The following CCDC144A variants were observed in gnomAD, a reference collection of about 807,000 sequenced individuals.
CCDC144A encodes the protein coiled-coil domain-containing protein 144A.
A neutral mutation model predicts 143.8 loss-of-function variants in CCDC144A; 41 were observed. The ratio of observed to expected loss-of-function variants is 0.29; its 90% CI spans 0.22 to 0.37. The LOEUF (loss-of-function observed/expected upper bound fraction) is 0.37, where lower values mean the gene tolerates loss of function less well. CCDC144A is among the 10% of genes least tolerant of loss of function. The probability of loss-of-function intolerance (pLI) is 1.00; values close to 1 mark genes in which losing one functional copy is unlikely to be tolerated. For synonymous variants in CCDC144A, 242 were observed against 517.9 expected (o/e 0.47, Z 7.23); for missense variants, 637 against 1,488.8 (o/e 0.43, Z 9.41).
rs1336188040 is a variant in CCDC144A, at chr17:16,773,560, A to T, written c.4205A>T (p.Asn1402Ile). Residue 1402 changes from asparagine (N) to isoleucine (I), a missense_variant, in exon 17 of 17, where the codon AAT becomes ATT. Coordinates refer to ENST00000399273, the MANE Select transcript of CCDC144A (RefSeq NM_001382000.1). ...ASPLGFTHKE[N>I]LNQDPVLEVT... ...CCTCTAGGATTTACACACAAGGAAA[A>T]TCTGAATCAAGATCCAGTTTTGGAA... 2 of 1,547,006 alleles carry T rather than the reference A, an allele frequency of 1.3e-6. No individual in the cohort carries two copies. The highest frequency in any genetic ancestry group is 1.7e-6 in the Non-Finnish European group (2 of 1,145,256).
intron 11 of CCDC144A, among the ~76,000 whole-genome samples, chr17:16,734,281 C>A (rs558685026): frequency 6.6e-6 from 1 of 151,662 alleles, no homozygotes; most frequent in Non-Finnish European, 1.5e-5. Context: ...ACTTAAAGAA[C>A]GTTGGAACAT....
rs113461815 is a variant in CCDC144A at position 16,741,877 on chromosome 17, A to C, written c.3372+6234A>C. 9.2e-3 allele frequency among the ~76,000 whole-genome samples: 1,401 copies of C among 152,166 alleles called. 13 individuals are homozygous for C. The highest frequency in any genetic ancestry group is 0.017 in the Middle Eastern group (5 of 292). On this transcript the variant is annotated intron_variant, in intron 12 of 16. Transcript: ENST00000399273. ...ATATATTCCATCACCTCAAACATTT[A>C]CCATTTCTTTGTGTTGTGAACTTTC...
rs757997613 is a variant in CCDC144A at position 16,708,993 on chromosome 17, G to A, written c.936G>A (p.Pro312=). The A allele has an allele frequency of 3.6e-5, 58 of 1,611,578 alleles. No individual in the cohort carries two copies. Among genetic ancestry groups the A allele is most frequent in the Admixed American group, 1.7e-4 (10 of 60,000 alleles). ...FGEIYEKYKI[P]ACPEEEPLLD... is the part of the protein sequence containing the mutation. ...AAATTTATGAAAAATACAAAATTCC[G>A]GCTTGTCCTGAGGAAGAGCCACTAC... The change falls in exon 5 of 17, where the codon CCG becomes CCA. Residue 312 remains proline (P), a synonymous_variant. Coordinates refer to ENST00000399273, the MANE Select transcript of CCDC144A (RefSeq NM_001382000.1).
At chr17:16,688,271 G>A (rs926281209), upstream of CCDC144A, among the ~76,000 whole-genome samples, 3 of 151,602 alleles carry the variant, frequency 2.0e-5, no homozygotes, top group Non-Finnish European at 4.4e-5. Context: ...TGGTTCCTCC[G>A]CTGCCCGTGT....
chr17:16,687,714 C>T (rs1910833213), upstream of CCDC144A, among the ~76,000 whole-genome samples: 1 of 152,158 alleles, frequency 6.6e-6, no homozygotes, highest in South Asian at 2.1e-4. Context: ...TCTCATTCTT[C>T]CAAAGCTCGA....
At chr17:16,668,672 A>G in the CCDC144A span, among the ~76,000 whole-genome samples, 1 of 152,182 alleles carries the variant, frequency 6.6e-6, no homozygotes, top group Non-Finnish European at 1.5e-5. Flanking sequence ...CACATTGTTT[A>G]TTCTGTTGTC....
chr17:16,685,370 T>TTTG (rs951398788), upstream of CCDC144A, among the ~76,000 whole-genome samples: 10 of 151,790 alleles, frequency 6.6e-5, no homozygotes, highest in African/African-American at 1.9e-4. Flanking sequence ...AACGCCGTTT[T>TTTG]TTGTTGTTGT....
chr17:16,735,869 TAC>T (rs1913976672), intron 12 of CCDC144A, among the ~76,000 whole-genome samples: 1 of 148,604 alleles, frequency 6.7e-6, no homozygotes, highest in Non-Finnish European at 1.5e-5. Flanking sequence ...CAAGTTCAGT[TAC>T]AGTGTTAATA....
the CCDC144A span, chr17:16,683,428 G>A: frequency 9.4e-7 from 1 of 1,060,848 alleles, no homozygotes. Context: ...CTGGTGCCGG[G>A]AGTGAGCGAT....
At position 16,693,316 on chromosome 17, in the gene CCDC144A, G is replaced by GTT. The variant is rs373775673; in HGVS notation, c.415+275_415+276dup. Among the ~76,000 whole-genome samples the GTT allele has an allele frequency of 9.6e-4, 141 of 147,120 alleles. 1 individual carries two copies. The highest frequency in any genetic ancestry group is 3.1e-3 in the African/African-American group (118 of 38,350). ...TATTTTTGTATAAATAAGAAAAAGT[G>GTT]TTTTTTTTTGTTTTTTTTTTGAGAC... On this transcript the variant is annotated intron_variant, in intron 2 of 16. Transcript: ENST00000399273.
chr17:16,696,491 G>A (rs188278150), intron 2 of CCDC144A, among the ~76,000 whole-genome samples: 4,165 of 146,814 alleles, frequency 0.028, 141 homozygotes, highest in African/African-American at 0.048. Context: ...AAAATTAGCT[G>A]GACGTGGTGG....
chr17:16,704,250 T>C (rs2928641), intron 2 of CCDC144A, among the ~76,000 whole-genome samples: 7 of 152,030 alleles, frequency 4.6e-5, no homozygotes, highest in East Asian at 1.9e-4. Context: ...GTCAGGAGAT[T>C]GAGACCATCC....
chr17:16,693,300 A>G (rs1393898569), intron 2 of CCDC144A, among the ~76,000 whole-genome samples: 4 of 151,642 alleles, frequency 2.6e-5, no homozygotes, highest in Admixed American at 1.3e-4. Context: ...ATATTTTTGT[A>G]TAAATAAGAA....
At position 16,690,719 on chromosome 17, in the gene CCDC144A, G is replaced by A. The variant is rs761344437; in HGVS notation, c.319G>A (p.Val107Met). The change falls in exon 1 of 17, where the codon GTG (valine) becomes ATG (methionine). Residue 107 changes from valine to methionine, a missense_variant. Val to Met is a conservative substitution (Grantham distance 21). Transcript: ENST00000399273. The part of the protein sequence containing the change: ...EHILAPGDTG[V>M]DKRDRKKSIQ... ...CATCTTAGCTCCTGGAGACACTGGC[G>A]TGGACAAGAGGGATAGGAAGAAGAG... 5 of 1,608,812 alleles carry A rather than the reference G, an allele frequency of 3.1e-6. No homozygotes were observed. The highest frequency in any genetic ancestry group is 1.3e-5 in the African/African-American group (1 of 74,918).
Position 16,746,259 on chromosome 17 carries a change from GTC to G in CCDC144A, c.3372+10628_3372+10629del, listed in dbSNP as rs1178734036. ...CTCTGCAATTTTCTTCTGTTTATCT[GTC>G]TCTCTCTCTCTTTTTTTTTTTTTTT... On this transcript the variant is annotated intron_variant, in intron 12 of 16. Transcript: ENST00000399273. 3,236 of 1,091,648 alleles carry G rather than the reference GTC, an allele frequency of 3.0e-3. 31 individuals carry two copies. The highest frequency in any genetic ancestry group is 0.018 in the East Asian group (635 of 35,880). 67.6% of individuals were successfully genotyped at this position (1,091,648 alleles called of 1,614,324 possible). A position where few individuals can be genotyped will look rare whatever the true frequency, so the allele number is the denominator to read the frequency against.
At chr17:16,720,934 G>A (rs1404082645) in intron 8 of CCDC144A, among the ~76,000 whole-genome samples, 5 of 151,940 alleles carry the variant, frequency 3.3e-5, no homozygotes, top group Admixed American at 6.6e-5. Context: ...GGAATGCTGC[G>A]AGAATCTTAG....
chr17:16,733,189 A>T (rs978256712), intron 11 of CCDC144A, among the ~76,000 whole-genome samples: 100 of 150,436 alleles, frequency 6.6e-4, no homozygotes, highest in African/African-American at 2.4e-3. Context: ...GAAAACAATG[A>T]TATGCCATAA....
At chr17:16,715,309 G>GT (rs1485127413) in intron 6 of CCDC144A, among the ~76,000 whole-genome samples, 4 of 143,786 alleles carry the variant, frequency 2.8e-5, no homozygotes, top group African/African-American at 1.1e-4. Context: ...TGATTCTCAG[G>GT]TAAAAAAAAA....
intron 12 of CCDC144A, among the ~76,000 whole-genome samples, chr17:16,741,753 A>T (rs4094443): frequency 6.6e-6 from 1 of 152,086 alleles, no homozygotes; most frequent in African/African-American, 2.4e-5. Flanking sequence ...TGGCTTCTTT[A>T]GATTTTTTGT....
Sources: gnomAD v4.1 joint callset for allele counts (sites outside exome capture counted in the v4.1 genomes callset) on GRCh38, gnomAD v4.1.1 for gene constraint, MANE v1.5 for transcripts, NCBI Gene and HGNC (gene_info 2026-07-23, HGNC 2026-07-21) for gene names.